BANF2: variants seen among roughly 807,000 people sequenced by gnomAD.
BANF2 encodes barrier-to-autointegration factor-like protein.
Under a neutral mutation model 8.0 loss-of-function variants are expected in BANF2, and 4 were observed. That is an observed-to-expected ratio of 0.50 (90% CI 0.25 to 1.14). The LOEUF (loss-of-function observed/expected upper bound fraction) is 1.14, where lower values mean the gene tolerates loss of function less well. BANF2 is among the 50% of genes most tolerant of loss of function. The pLI, the probability that BANF2 is intolerant of heterozygous loss-of-function variation, is 0.16. For missense variants in BANF2, 96 were observed against 107.5 expected (o/e 0.89, Z 0.47); for synonymous variants, 50 against 40.6 (o/e 1.23, Z -0.88).
At chr20:17,720,526 T>C (rs1459104736) in intron 1 of BANF2, among the ~76,000 whole-genome samples, 1 of 152,260 alleles carries the variant, frequency 6.6e-6, no homozygotes, top group African/African-American at 2.4e-5. Flanking sequence ...TTTTTTTCTT[T>C]TTAGATTCTC....
intron 3 of BANF2, among the ~76,000 whole-genome samples, chr20:17,727,819 A>G (rs1176977290): frequency 6.6e-6 from 1 of 151,998 alleles, no homozygotes; most frequent in Non-Finnish European, 1.5e-5. Flanking sequence ...ATCTCGGCTC[A>G]CTGCAACCTC....
intron 1 of BANF2, among the ~76,000 whole-genome samples, chr20:17,704,731 A>G (rs1167926160): frequency 6.6e-6 from 1 of 152,204 alleles, no homozygotes; most frequent in Non-Finnish European, 1.5e-5. Flanking sequence ...TAGAAACTAA[A>G]CTCAAACTAG....
chr20:17,694,521 T>C (rs894947068), intron 1 of BANF2, among the ~76,000 whole-genome samples: 2 of 151,376 alleles, frequency 1.3e-5, no homozygotes, highest in Non-Finnish European at 2.9e-5. Context: ...CCTGGATTTA[T>C]TAATATATTG....
In BANF2 at chr20:17,735,694, G is replaced by C; in HGVS notation, c.156G>C (p.Leu52=). 6.2e-7 allele frequency: 1 copy of C among 1,613,950 alleles called. No homozygotes were observed. ...ACATCCTGCTGGGACAATTCCTTCT[G>C]ATGCACAAGAATGAAGCCGAGTTTC... ...KAYILLGQFL[L]MHKNEAEFQR... Residue 52 remains leucine, a synonymous_variant, in exon 4 of 4, where the codon CTG becomes CTC. Transcript: ENST00000246090.
At chr20:17,693,739 G>A (rs754273195) in intron 1 of BANF2, 49 of 1,550,842 alleles carry the variant, frequency 3.2e-5, no homozygotes, top group Admixed American at 5.9e-5. Context: ...CCTTGCTCAC[G>A]GTGGGGAAGA....
chr20:17,735,588 G>T, intron 3 of BANF2, 77 bp from the exon 4 acceptor site: 2 of 1,491,328 alleles, frequency 1.3e-6, no homozygotes, highest in East Asian at 2.3e-5. Context: ...AGCCCTGGTT[G>T]CTGGGAAGGA....
At chr20:17,718,266 G>A (rs1255771771) in intron 1 of BANF2, among the ~76,000 whole-genome samples, 3 of 152,100 alleles carry the variant, frequency 2.0e-5, no homozygotes, top group Non-Finnish European at 2.9e-5. Context: ...GTGCGATGGC[G>A]AGATCTCAGC....
intron 1 of BANF2, among the ~76,000 whole-genome samples, chr20:17,710,585 C>G (rs1280544575): frequency 6.6e-6 from 1 of 152,300 alleles, no homozygotes; most frequent in East Asian, 1.9e-4. Flanking sequence ...TGTTTCTAGT[C>G]CCGGGGTGAG....
At chr20:17,696,046 T>C (rs1397161004), upstream of BANF2, among the ~76,000 whole-genome samples, 1 of 152,276 alleles carries the variant, frequency 6.6e-6, no homozygotes, top group African/African-American at 2.4e-5. Flanking sequence ...ATTATAAGAA[T>C]ATACATTCAC....
In BANF2 at chr20:17,725,102, G is replaced by T; in HGVS notation, c.77G>T (p.Gly26Val). ...IGEKDVCWVD[G>V]ISHELAINLV... Reference sequence around the variant, plus strand: ...GAAAAGGATGTCTGCTGGGTGGATGGCATCAGCCATGAGCTCGCGATCAAT... The same window carrying T: ...GAAAAGGATGTCTGCTGGGTGGATGTCATCAGCCATGAGCTCGCGATCAAT... The change falls in exon 3 of 4, where the codon GGC (glycine) becomes GTC (valine). Residue 26 changes from glycine to valine, a missense_variant. Gly to Val is a moderately radical substitution (Grantham distance 109, BLOSUM62 -3). Transcript: ENST00000246090. The T allele has an allele frequency of 1.2e-6, 2 of 1,612,472 alleles. No homozygotes were observed. The highest frequency in any genetic ancestry group is 1.7e-6 in the Non-Finnish European group (2 of 1,178,420).
chr20:17,727,921 T>G (rs2037832359), intron 3 of BANF2, among the ~76,000 whole-genome samples: 1 of 152,112 alleles, frequency 6.6e-6, no homozygotes, highest in Non-Finnish European at 1.5e-5. Flanking sequence ...TGTGTTTTTT[T>G]GTAGAGACAC....
intron 1 of BANF2, among the ~76,000 whole-genome samples, chr20:17,718,910 C>A (rs2037691192): frequency 1.3e-5 from 2 of 152,186 alleles, no homozygotes; most frequent in African/African-American, 4.8e-5. Context: ...TGACAGAACA[C>A]CCTGTAATAC....
At position 17,718,936 on chromosome 20, in the gene BANF2, A is replaced by G. The variant is rs150900453; in HGVS notation, c.-166-3780A>G. 2.5e-3 allele frequency among the ~76,000 whole-genome samples: 382 copies of G among 152,288 alleles called. 3 individuals are homozygous for G. The East Asian group carries it at 0.027, about 11-fold the overall frequency. ...CCTGTAATACAAGAACTTTTACAGG[A>G]CAGGATTATGTTGAGGCATCTGCTT... On this transcript the variant is annotated intron_variant, in intron 1 of 3. Coordinates refer to ENST00000246090, the MANE Select transcript of BANF2 (RefSeq NM_178477.5).
At chr20:17,713,312 T>C (rs2037603645) in intron 1 of BANF2, among the ~76,000 whole-genome samples, 1 of 151,916 alleles carries the variant, frequency 6.6e-6, no homozygotes, top group African/African-American at 2.4e-5. Flanking sequence ...CTTGAGGACA[T>C]CAAGCTGAGT....
upstream of BANF2, among the ~76,000 whole-genome samples, chr20:17,698,116 G>A (rs1408774331): frequency 2.6e-5 from 4 of 152,118 alleles, no homozygotes; most frequent in Non-Finnish European, 5.9e-5. Flanking sequence ...GTTGAGGCAG[G>A]AGAATTGCTT....
intron 2 of BANF2, among the ~76,000 whole-genome samples, chr20:17,724,734 C>A (rs1469290160): frequency 6.6e-6 from 1 of 152,214 alleles, no homozygotes; most frequent in Non-Finnish European, 1.5e-5. Flanking sequence ...AAAGAACCCA[C>A]TGCAGTTCTT....
At chr20:17,693,945 A>C (rs1233858937) in intron 1 of BANF2, among the ~76,000 whole-genome samples, 2 of 152,358 alleles carry the variant, frequency 1.3e-5, no homozygotes, top group Admixed American at 6.5e-5. Context: ...GTTCAGATCT[A>C]TGGCCGACGG....
At chr20:17,696,494 A>T (rs1355174025), upstream of BANF2, among the ~76,000 whole-genome samples, 1 of 152,184 alleles carries the variant, frequency 6.6e-6, no homozygotes, top group Non-Finnish European at 1.5e-5. Flanking sequence ...TGCTCTTTTT[A>T]ATATTAGCCA....
intron 1 of BANF2, among the ~76,000 whole-genome samples, chr20:17,711,970 G>A (rs374268015): frequency 5.9e-5 from 9 of 152,306 alleles, no homozygotes; most frequent in South Asian, 2.1e-4. Flanking sequence ...CCCCTCCTCC[G>A]TCCTTCCTAA....
Sources: allele counts gnomAD v4.1 joint callset (sites outside exome capture counted in the v4.1 genomes callset), GRCh38; gene constraint gnomAD v4.1.1; transcripts MANE v1.5; gene names NCBI Gene and HGNC (gene_info 2026-07-23, HGNC 2026-07-21).